Variants in FBRSL1 observed in about 807,000 individuals in gnomAD.
FBRSL1 encodes fibrosin like 1.
Under a neutral mutation model 89.6 loss-of-function variants are expected in FBRSL1, and 51 were observed. The ratio of observed to expected loss-of-function variants is 0.57; its 90% CI spans 0.45 to 0.72. FBRSL1 has a LOEUF of 0.72. Ranked by LOEUF, FBRSL1 falls within the 30% of genes least tolerant of loss-of-function variation. The probability of loss-of-function intolerance (pLI) is 0.00; values close to 1 mark genes in which losing one functional copy is unlikely to be tolerated. For synonymous variants in FBRSL1, 779 were observed against 681.1 expected, an observed-to-expected ratio of 1.14 and a Z score of -2.24; for missense variants, 1,618 against 1,451.8, an observed-to-expected ratio of 1.11 and a Z score of -1.86.
chr12:132,503,029 G>A (rs1413169235), intron 1 of FBRSL1, among the ~76,000 whole-genome samples: 1 of 151,902 alleles, frequency 6.6e-6, no homozygotes, highest in Non-Finnish European at 1.5e-5. Flanking sequence ...GGCCCGCACA[G>A]GGCCAGGCCA....
chr12:132,580,308 A>C (rs1299783044), intron 15 of FBRSL1, among the ~76,000 whole-genome samples: 3 of 152,066 alleles, frequency 2.0e-5, no homozygotes, highest in Non-Finnish European at 4.4e-5. Context: ...GGCTGGTCTC[A>C]AACTCCTGAC....
intron 6 of FBRSL1, among the ~76,000 whole-genome samples, chr12:132,567,735 C>T (rs898870897): frequency 1.3e-5 from 2 of 152,156 alleles, no homozygotes; most frequent in African/African-American, 4.8e-5. Flanking sequence ...TAGGCAGGGC[C>T]TGGGCTCCGC....
chr12:132,551,163 A>C (rs2038124784), intron 5 of FBRSL1: 1 of 347,556 alleles, frequency 2.9e-6, no homozygotes, highest in Non-Finnish European at 5.7e-6. Flanking sequence ...AGACAGGAAC[A>C]TGGGGGTGCT....
In FBRSL1 at chr12:132,535,389, C is replaced by T. The variant is rs189296290; in HGVS notation, c.615+7401C>T. On this transcript the variant is annotated intron_variant, in intron 4 of 18. Transcript: ENST00000680143. ...AAGGAGAGTGGATTTGAGATCCACA[C>T]GCCATCCGCTGTGGGGACGTAGAGG... 3.2e-4 allele frequency among the ~76,000 whole-genome samples: 49 copies of T among 152,308 alleles called. No homozygotes were observed. In the East Asian group the frequency reaches 5.8e-3, roughly 18 times the overall value.
intron 14 of FBRSL1, 53 bp downstream of exon 14, chr12:132,574,617 T>C: frequency 6.5e-7 from 1 of 1,529,744 alleles, no homozygotes; most frequent in Non-Finnish European, 8.8e-7. Context: ...TCCAGCCTGG[T>C]CGGGCCCTGA....
chr12:132,554,110 C>T (rs2038417431), intron 5 of FBRSL1: 2 of 152,132 alleles, frequency 1.3e-5, no homozygotes, highest in Admixed American at 6.5e-5. Context: ...AGCCATCGGT[C>T]GCCACGGGGC....
Position 132,576,730 on chromosome 12 carries a change from C to G in FBRSL1, c.1702-69C>G, listed in dbSNP as rs79589154. On this transcript the variant is annotated intron_variant, in intron 14 of 18. Transcript: ENST00000680143. ...CTCACACCCAGTCCCTGTGGCCCCT[C>G]AGGCCTGGGCTCCCTGTGTTCAGGG... is the stretch of plus-strand genomic sequence containing the variant. 2,716 of 1,496,716 alleles carry G rather than the reference C, an allele frequency of 1.8e-3. 49 individuals carry two copies. The African/African-American group carries it at 0.033, about 18-fold the overall frequency. The allele number at this position is 1,496,716 out of a possible 1,614,324, so 92.7% of individuals were successfully genotyped here.
chr12:132,515,391 C>A (rs1440156600), intron 2 of FBRSL1, among the ~76,000 whole-genome samples: 1 of 152,120 alleles, frequency 6.6e-6, no homozygotes, highest in Non-Finnish European at 1.5e-5. Context: ...AATCTCTGAC[C>A]TGAATTTCAC....
intron 9 of FBRSL1, chr12:132,571,496 CCCCGACGCCG>C: frequency 3.2e-6 from 5 of 1,539,528 alleles, no homozygotes; most frequent in Non-Finnish European, 4.4e-6. Flanking sequence ...GCAGGGCTGC[CCCCGACGCCG>C]CCCGCCGCAC....
intron 15 of FBRSL1, 135 bp from the exon 16 acceptor site, chr12:132,581,304 A>G: frequency 2.0e-6 from 3 of 1,519,718 alleles, no homozygotes; most frequent in Non-Finnish European, 2.7e-6. Context: ...GACACGCTTC[A>G]CCCCTCAGGG....
At chr12:132,511,199 T>C (rs765882182) in intron 2 of FBRSL1, 155 of 977,656 alleles carry the variant, frequency 1.6e-4, no homozygotes, top group Non-Finnish European at 1.8e-4. Flanking sequence ...CCCCCACCTC[T>C]CAGGACTCTG....
Position 132,512,594 on chromosome 12 carries a change from T to C in FBRSL1, c.489+4244T>C, listed in dbSNP as rs147530310. Reference sequence around the variant, plus strand: ...GGGAACAGTGATGATTTAAACAGTCTCCTGCCCTCTTTCCACTTTCAGGCC... The same window carrying C: ...GGGAACAGTGATGATTTAAACAGTCCCCTGCCCTCTTTCCACTTTCAGGCC... On this transcript the variant is annotated intron_variant, in intron 2 of 18. Coordinates refer to ENST00000680143, the MANE Select transcript of FBRSL1 (RefSeq NM_001367871.1). Among the ~76,000 whole-genome samples the C allele has an allele frequency of 4.7e-3, 717 of 152,292 alleles. 7 individuals carry two copies. Among genetic ancestry groups the C allele is most frequent in the African/African-American group, 0.017 (687 of 41,564 alleles).
chr12:132,511,501 G>A (rs1327798535), intron 2 of FBRSL1: 28 of 985,832 alleles, frequency 2.8e-5, no homozygotes, highest in South Asian at 2.8e-4. Flanking sequence ...CACGCCACTC[G>A]CCCAAAAGGG....
chr12:132,571,873 G>A (rs1037732357), intron 9 of FBRSL1: 28 of 325,858 alleles, frequency 8.6e-5, no homozygotes, highest in Middle Eastern at 8.8e-4. Context: ...CGTGTTCCCC[G>A]CCCCGGAGGC....
chr12:132,516,069 T>C (rs1197680825), intron 2 of FBRSL1, among the ~76,000 whole-genome samples: 1 of 152,022 alleles, frequency 6.6e-6, no homozygotes, highest in Non-Finnish European at 1.5e-5. Flanking sequence ...TTACAGGCAC[T>C]ATAGACACGA....
intron 11 of FBRSL1, 38 bp downstream of exon 11, chr12:132,572,660 G>A (rs2040114313): frequency 1.4e-6 from 2 of 1,449,526 alleles, no homozygotes; most frequent in African/African-American, 1.4e-5. Context: ...GGCACAGCGG[G>A]TGGGTGGATT....
At chr12:132,543,280 C>T (rs982367548) in intron 4 of FBRSL1, among the ~76,000 whole-genome samples, 3 of 152,220 alleles carry the variant, frequency 2.0e-5, no homozygotes, top group Non-Finnish European at 4.4e-5. Flanking sequence ...GAAACAGGCT[C>T]GGAGAAACGA....
chr12:132,522,573 C>T (rs376466545), intron 2 of FBRSL1, among the ~76,000 whole-genome samples: 6 of 152,216 alleles, frequency 3.9e-5, no homozygotes, highest in East Asian at 1.9e-4. Context: ...CTGTTAGTGG[C>T]TTCCATCAGC....
chr12:132,531,462 C>T (rs1052703096), intron 4 of FBRSL1, among the ~76,000 whole-genome samples: 7 of 151,988 alleles, frequency 4.6e-5, no homozygotes, highest in East Asian at 1.9e-4. Flanking sequence ...AGCTCGTGTC[C>T]GTGGTACCCC....
Sources: gnomAD v4.1 joint callset for allele counts (sites outside exome capture counted in the v4.1 genomes callset) on GRCh38, gnomAD v4.1.1 for gene constraint, MANE v1.5 for transcripts, NCBI Gene and HGNC (gene_info 2026-07-23, HGNC 2026-07-21) for gene names.